Variants in COLEC12 observed in about 807,000 individuals in gnomAD.
COLEC12 encodes collectin-12.
A neutral mutation model predicts 71.1 loss-of-function variants in COLEC12; 33 were observed. That is an observed-to-expected ratio of 0.46 (90% CI 0.35 to 0.62). The LOEUF is 0.62. Ranked by LOEUF, COLEC12 falls within the 20% of genes least tolerant of loss-of-function variation. COLEC12 has a pLI of 0.00. For missense variants in COLEC12, 765 were observed against 916.1 expected (o/e 0.84, Z 2.13); for synonymous variants, 350 against 353.0 (o/e 0.99, Z 0.10).
At chr18:333,265 C>A (rs991997974) in intron 6 of COLEC12, 122 bp from the exon 7 acceptor site, 2 of 771,872 alleles carry the variant, frequency 2.6e-6, no homozygotes, top group Middle Eastern at 2.4e-4. Flanking sequence ...CGTCCCTGCA[C>A]GAGGCCCACA....
At chr18:492,214 A>G (rs1203565918) in intron 1 of COLEC12, among the ~76,000 whole-genome samples, 1 of 152,248 alleles carries the variant, frequency 6.6e-6, no homozygotes, top group East Asian at 1.9e-4. Context: ...TTTTCAAGTC[A>G]AAAGTCAAAA....
At position 408,992 on chromosome 18, in the gene COLEC12, C is replaced by G. The variant is rs541908094; in HGVS notation, c.59-51470G>C. On this transcript the variant is annotated intron_variant, in intron 2 of 9. Transcript: ENST00000400256. This position sits in a 1 kb window ranked among gnomAD's most constrained non-coding sequence, Gnocchi z 4.3. Reference sequence around the variant, plus strand: ...GTATTACAGGCACATACCACCACGCCTAGCTAAATTTTGTATTTTTTTTTG... The same window carrying G: ...GTATTACAGGCACATACCACCACGCGTAGCTAAATTTTGTATTTTTTTTTG... Among the ~76,000 whole-genome samples, 5 of 152,044 alleles carry G rather than the reference C, an allele frequency of 3.3e-5. No homozygotes were observed. The East Asian group carries it at 7.7e-4, about 24-fold the overall frequency.
chr18:374,710 C>T lies in COLEC12; in HGVS notation c.59-17188G>A, dbSNP rs192675256. ...GGCAATTCTGTTTATAAACATTTCCCTCACCCTTCTTCCCCATTCATTCTT... is the reference window on the plus strand; with the variant it reads ...GGCAATTCTGTTTATAAACATTTCCTTCACCCTTCTTCCCCATTCATTCTT... On this transcript the variant is annotated intron_variant, in intron 2 of 9. Transcript: ENST00000400256. 7.0e-4 allele frequency among the ~76,000 whole-genome samples: 106 copies of T among 152,284 alleles called. No individual in the cohort carries two copies. In the East Asian group the frequency reaches 0.011, roughly 16 times the overall value.
At chr18:430,086 G>A (rs1030936745) in intron 2 of COLEC12, among the ~76,000 whole-genome samples, 1 of 152,064 alleles carries the variant, frequency 6.6e-6, no homozygotes, top group Non-Finnish European at 1.5e-5. Context: ...GGTGGCTCAC[G>A]TCTGTAATCC....
At chr18:343,451 T>C (rs1914301954) in intron 5 of COLEC12, among the ~76,000 whole-genome samples, 2 of 151,540 alleles carry the variant, frequency 1.3e-5, no homozygotes. Flanking sequence ...ACTGCCAGCA[T>C]TCTAGGCCAA....
chr18:426,806 G>A (rs1916207665), intron 2 of COLEC12, among the ~76,000 whole-genome samples: 1 of 152,122 alleles, frequency 6.6e-6, no homozygotes, highest in African/African-American at 2.4e-5. Context: ...CACTCTTGTA[G>A]CCATTTTAGA....
At chr18:421,847 C>A (rs575809629) in intron 2 of COLEC12, among the ~76,000 whole-genome samples, 1 of 152,180 alleles carries the variant, frequency 6.6e-6, no homozygotes, top group Non-Finnish European at 1.5e-5. Context: ...CGATGAGAAG[C>A]CAAGAGTGAG....
At chr18:334,698 T>G (rs372533654) in intron 6 of COLEC12, 44 bp downstream of exon 6, 2 of 1,434,574 alleles carry the variant, frequency 1.4e-6, no homozygotes, top group East Asian at 2.7e-5. Context: ...CTCAAGCACA[T>G]GCACTGCCCT....
intron 2 of COLEC12, among the ~76,000 whole-genome samples, chr18:421,277 AATGTATAAAGGT>A (rs910801429): frequency 5.6e-4 from 85 of 152,330 alleles, no homozygotes; most frequent in African/African-American, 2.0e-3. Flanking sequence ...GATGGCAAAA[AATGTATAAAGGT>A]ATGACTCATT....
intron 2 of COLEC12, among the ~76,000 whole-genome samples, chr18:367,920 C>T (rs1239171256): frequency 6.6e-6 from 1 of 152,128 alleles, no homozygotes; most frequent in Non-Finnish European, 1.5e-5. Flanking sequence ...GAGATGCTGT[C>T]TCTACCAAAA....
At chr18:423,934 CCATCTCTCT>C (rs1306464860) in intron 2 of COLEC12, 5 of 152,144 alleles carry the variant, frequency 3.3e-5, no homozygotes, top group African/African-American at 9.7e-5. Flanking sequence ...AGCTTTAATG[CCATCTCTCT>C]CATCTCTCTC....
chr18:415,054 G>C (rs1915960936), intron 2 of COLEC12, among the ~76,000 whole-genome samples: 1 of 152,152 alleles, frequency 6.6e-6, no homozygotes, highest in African/African-American at 2.4e-5. Context: ...CATTCAAAAT[G>C]CATCAGTGCA....
At chr18:438,129 A>G (rs1916442911) in intron 2 of COLEC12, among the ~76,000 whole-genome samples, 1 of 152,222 alleles carries the variant, frequency 6.6e-6, no homozygotes, top group Admixed American at 6.5e-5. Flanking sequence ...AATAAAATGT[A>G]AAAAAGGAAT....
chr18:346,720 G>T lies in COLEC12; in HGVS notation c.902C>A (p.Thr301Asn), dbSNP rs138529916. ...CTGCTCGTTGGCTTGAGAGATAGTG[G>T]TGATGTTCTCCATCTGACCTGTGAA... Reference protein sequence around the residue: ...NSFTGQMENITTISQANEQNL... With the variant: ...NSFTGQMENINTISQANEQNL... Residue 301 changes from threonine (T) to asparagine (N), a missense_variant, in exon 5 of 10, where the codon ACC (threonine) becomes AAC (asparagine). Coordinates refer to ENST00000400256, the MANE Select transcript of COLEC12 (RefSeq NM_130386.3). This position sits in a 1 kb window ranked among gnomAD's most constrained non-coding sequence, Gnocchi z 4.0. 22 of 1,614,068 alleles carry T rather than the reference G, an allele frequency of 1.4e-5. No individual in the cohort carries two copies. The highest frequency in any genetic ancestry group is 1.8e-5 in the Non-Finnish European group (21 of 1,180,036).
chr18:462,345 G>C (rs1916999482), intron 2 of COLEC12, among the ~76,000 whole-genome samples: 3 of 152,168 alleles, frequency 2.0e-5, no homozygotes, highest in Admixed American at 1.3e-4. Context: ...TATTATTCCG[G>C]ATTTTTAAAA....
intron 2 of COLEC12, among the ~76,000 whole-genome samples, chr18:473,589 C>G (rs1052714410): frequency 3.3e-5 from 5 of 152,212 alleles, no homozygotes; most frequent in Admixed American, 3.3e-4. Flanking sequence ...TCTCGAACCC[C>G]TGACCTCAGG....
In COLEC12 at chr18:397,897, C is replaced by T. The variant is rs189471404; in HGVS notation, c.59-40375G>A. On this transcript the variant is annotated intron_variant, in intron 2 of 9. Coordinates refer to ENST00000400256, the MANE Select transcript of COLEC12 (RefSeq NM_130386.3). ...AAAAATGTAAAGGATTTTGGAGCTGCCAGAGAAGGATAGTTTCACAGTTGA... is the reference window on the plus strand; with the variant it reads ...AAAAATGTAAAGGATTTTGGAGCTGTCAGAGAAGGATAGTTTCACAGTTGA... 7.2e-5 allele frequency among the ~76,000 whole-genome samples: 11 copies of T among 152,224 alleles called. No homozygotes were observed. In the East Asian group the frequency reaches 2.1e-3, roughly 29 times the overall value.
At chr18:326,350 T>C (rs976439273) in intron 8 of COLEC12, among the ~76,000 whole-genome samples, 2 of 152,066 alleles carry the variant, frequency 1.3e-5, no homozygotes, top group African/African-American at 4.8e-5. Flanking sequence ...AGTTCCTTTT[T>C]GTTTTTGTTT....
chr18:476,783 T>C (rs1917314260), intron 2 of COLEC12, among the ~76,000 whole-genome samples: 1 of 152,190 alleles, frequency 6.6e-6, no homozygotes, highest in South Asian at 2.1e-4. Context: ...ATCATATCTA[T>C]GGAAAATAAA....
Sources: allele counts gnomAD v4.1 joint callset (sites outside exome capture counted in the v4.1 genomes callset), GRCh38; gene constraint gnomAD v4.1.1; non-coding constraint Gnocchi (gnomAD v3.1); transcripts MANE v1.5; gene names NCBI Gene and HGNC (gene_info 2026-07-23, HGNC 2026-07-21).